The following POLE2 variants were observed in gnomAD, a reference collection of about 807,000 sequenced individuals.
POLE2 encodes DNA polymerase epsilon subunit 2.
In POLE2, 56 loss-of-function variants were observed where a neutral mutation model predicts 79.4. That is an observed-to-expected ratio of 0.71 (90% CI 0.57 to 0.88). The LOEUF (loss-of-function observed/expected upper bound fraction) is 0.88, where lower values mean the gene tolerates loss of function less well. Ranked by LOEUF, POLE2 falls within the 40% of genes least tolerant of loss-of-function variation. The probability of loss-of-function intolerance (pLI) is 0.00; values close to 1 mark genes in which losing one functional copy is unlikely to be tolerated. For missense variants in POLE2, 598 were observed against 638.9 expected, an observed-to-expected ratio of 0.94 and a Z score of 0.69; for synonymous variants, 212 against 214.0, an observed-to-expected ratio of 0.99 and a Z score of 0.08.
chr14:49,664,543 T>C (rs1242235913), intron 9 of POLE2, 83 bp downstream of exon 9: 9 of 882,252 alleles, frequency 1.0e-5, no homozygotes, highest in Non-Finnish European at 1.7e-5. Flanking sequence ...TCCCAAATTA[T>C]ATCATGTTAA....
chr14:49,654,808 C>A lies in POLE2; in HGVS notation c.1049G>T (p.Cys350Phe). Residue 350 changes from cysteine (C) to phenylalanine (F), a missense_variant, in exon 13 of 19, where the codon TGT becomes TTT. Physicochemically the swap from Cys to Phe is radical, Grantham distance 205 (BLOSUM62 -2). Coordinates refer to ENST00000216367, the MANE Select transcript of POLE2 (RefSeq NM_002692.4). ...CCTTTGGTGAATATCTGGGTATTCA[C>A]ATATTATATCTGCCAAAGTTTTTAG... is the stretch of plus-strand genomic sequence containing the variant. ...DSLKTLADII[C>F]EYPDIHQSSR... is the part of the protein sequence containing the mutation. The A allele has an allele frequency of 6.7e-7, 1 of 1,482,698 alleles. No homozygotes were observed. Among genetic ancestry groups the A allele is most frequent in the Non-Finnish European group, 8.9e-7 (1 of 1,119,692 alleles). 91.8% of individuals were successfully genotyped at this position (1,482,698 alleles called of 1,614,324 possible).
chr14:49,674,636 A>C (rs1886130802), intron 3 of POLE2, among the ~76,000 whole-genome samples: 1 of 152,200 alleles, frequency 6.6e-6, no homozygotes, highest in East Asian at 1.9e-4. Flanking sequence ...GTGGGATATC[A>C]GCTCACTGCA....
At chr14:49,683,728 T>C in intron 1 of POLE2, 35 bp from the exon 2 acceptor site, 1 of 1,103,702 alleles carries the variant, frequency 9.1e-7, no homozygotes, top group Non-Finnish European at 1.4e-6. Context: ...GGCAGGTCAT[T>C]AGTAATTAAA....
At chr14:49,649,195 G>A (rs1884006547) in intron 17 of POLE2, among the ~76,000 whole-genome samples, 1 of 130,408 alleles carries the variant, frequency 7.7e-6, no homozygotes, top group South Asian at 2.3e-4. Context: ...TGCCCAGGCT[G>A]GAGTGCAGTG....
At chr14:49,682,640 G>GGAAAAAAAA (rs1373991966) in intron 2 of POLE2, among the ~76,000 whole-genome samples, 2 of 60,976 alleles carry the variant, frequency 3.3e-5, no homozygotes, top group African/African-American at 1.1e-4. Context: ...CCTTCTCAGG[G>GGAAAAAAAA]AAAAAAAAAA....
intron 3 of POLE2, among the ~76,000 whole-genome samples, chr14:49,679,269 A>C (rs1886528477): frequency 2.0e-5 from 3 of 152,170 alleles, no homozygotes; most frequent in Admixed American, 2.0e-4. Context: ...CTGCCATATA[A>C]ATTCTTAAAC....
At chr14:49,664,360 G>GAA (rs369182497) in intron 9 of POLE2, among the ~76,000 whole-genome samples, 7 of 105,236 alleles carry the variant, frequency 6.7e-5, no homozygotes, top group Admixed American at 9.9e-5. Context: ...AAAAAAAAAA[G>GAA]AAAAAAAAAA....
intron 3 of POLE2, among the ~76,000 whole-genome samples, chr14:49,675,520 C>T (rs1886211974): frequency 6.6e-6 from 1 of 152,006 alleles, no homozygotes; most frequent in South Asian, 2.1e-4. Context: ...CAACCTCTTC[C>T]TCCCGGCCTC....
Position 49,655,005 on chromosome 14 carries a change from CT to C in POLE2, c.1017del (p.Asp340IlefsTer3). The C allele has an allele frequency of 6.5e-7, 1 of 1,548,440 alleles. No individual in the cohort carries two copies. The highest frequency in any genetic ancestry group is 1.8e-5 in the Admixed American group (1 of 54,428). ...TTCTTATTAAATAGATCGTTAATAC[CT>C]TTCAAAGCTTGAACTTGATTTTTTC... is the stretch of plus-strand genomic sequence containing the variant. ...PYGKNQVQALKDSLKTLADII... is the reference protein window; with the variant it reads ...PYGKNQVQALXDSLKTLADII... On this transcript the variant is annotated frameshift_variant and splice_region_variant, in exon 12 of 19. Coordinates refer to ENST00000216367, the MANE Select transcript of POLE2 (RefSeq NM_002692.4). LOFTEE classifies it high-confidence loss of function.
intron 10 of POLE2, among the ~76,000 whole-genome samples, chr14:49,661,339 T>C (rs1370978682): frequency 1.3e-5 from 2 of 152,176 alleles, no homozygotes; most frequent in Non-Finnish European, 2.9e-5. Flanking sequence ...GTAACTGATA[T>C]TGTTATTGTT....
intron 5 of POLE2, among the ~76,000 whole-genome samples, chr14:49,670,317 CAAAAAAAAAAAAA>C (rs61383006): frequency 1.7e-4 from 10 of 59,114 alleles, no homozygotes; most frequent in African/African-American, 2.7e-4. Flanking sequence ...ACTGTGTCTC[CAAAAAAAAAAAAA>C]AAAAAAAAAA....
At chr14:49,675,211 A>G (rs1169528868) in intron 3 of POLE2, among the ~76,000 whole-genome samples, 1 of 151,738 alleles carries the variant, frequency 6.6e-6, no homozygotes, top group Non-Finnish European at 1.5e-5. Flanking sequence ...CAGCCTCCCG[A>G]GTAGGTGGGA....
intron 17 of POLE2, 87 bp from the exon 18 acceptor site, chr14:49,647,447 TTTTTA>T (rs1464000531): frequency 6.4e-6 from 3 of 467,030 alleles, no homozygotes; most frequent in South Asian, 6.9e-5. Flanking sequence ...TATTTTTTAT[TTTTTA>T]TTTTATTTAT....
In POLE2 at chr14:49,674,136, G is replaced by T; in HGVS notation, c.404C>A (p.Thr135Asn). The T allele has an allele frequency of 1.9e-6, 3 of 1,608,286 alleles. No homozygotes were observed. The South Asian group carries it at 3.3e-5, about 18-fold the overall frequency. The change falls in exon 5 of 19, where the codon ACC (threonine) becomes AAC (asparagine). Residue 135 changes from threonine to asparagine, a missense_variant. Thr to Asn is a moderately conservative substitution (Grantham distance 65, BLOSUM62 0). Coordinates refer to ENST00000216367, the MANE Select transcript of POLE2 (RefSeq NM_002692.4). ...TACCAAACTTACCTGGTGCAAAATG[G>T]TATATCGCTCACGAAACATCTCTGC... ...DKAEMFRERY[T>N]ILHQRTHRHE...
At chr14:49,645,887 C>T (rs1883724163) in intron 18 of POLE2, among the ~76,000 whole-genome samples, 1 of 152,176 alleles carries the variant, frequency 6.6e-6, no homozygotes, top group African/African-American at 2.4e-5. Flanking sequence ...CTGCCTTGGC[C>T]TCCCAAAGTG....
chr14:49,682,880 T>TA (rs2139693505), intron 2 of POLE2, among the ~76,000 whole-genome samples: 1 of 152,036 alleles, frequency 6.6e-6, no homozygotes, highest in East Asian at 1.9e-4. Flanking sequence ...CTGTTTACTT[T>TA]ACTCTTCTTT....
rs1335836502 is a variant in POLE2, at chr14:49,655,803, T to C, written c.796A>G (p.Asn266Asp). 3 of 1,583,354 alleles carry C rather than the reference T, an allele frequency of 1.9e-6. No homozygotes were observed. Among genetic ancestry groups the C allele is most frequent in the Non-Finnish European group, 2.6e-6 (3 of 1,158,284 alleles). The change falls in exon 11 of 19, where the codon AAT becomes GAT. Residue 266 changes from asparagine to aspartate, a missense_variant. Physicochemically the swap from Asn to Asp is conservative, Grantham distance 23. Coordinates refer to ENST00000216367, the MANE Select transcript of POLE2 (RefSeq NM_002692.4). ...GNINFFGGPS[N>D]TSVKTSAKLK... The stretch of plus-strand genomic sequence containing the variant: ...TTTGCAGAAGTCTTCACAGATGTAT[T>C]AGAAGGACCTCCAAAAAAATTAATA...
In POLE2 at chr14:49,688,139, C is replaced by T; in HGVS notation, c.65G>A (p.Arg22His). 1 of 1,556,426 alleles carries T rather than the reference C, an allele frequency of 6.4e-7. No individual in the cohort carries two copies. Among genetic ancestry groups the T allele is most frequent in the Non-Finnish European group, 8.7e-7 (1 of 1,151,532 alleles). ...SAFKLRGLLL[R>H]GEAIKYLTEA... is the part of the protein sequence containing the mutation. ...CAAGCTGCCCGAGCCCACTCACCCA[C>T]GGAGCAGCAAGCCCCGCAACTTGAA... Residue 22 changes from arginine (R) to histidine (H), a missense_variant, in exon 1 of 19, where the codon CGT becomes CAT. Coordinates refer to ENST00000216367, the MANE Select transcript of POLE2 (RefSeq NM_002692.4).
intron 5 of POLE2, among the ~76,000 whole-genome samples, chr14:49,672,134 T>C (rs140486027): frequency 5.2e-4 from 79 of 152,180 alleles, no homozygotes; most frequent in Non-Finnish European, 9.4e-4. Context: ...ACAGAAACAA[T>C]AATTCCATAT....
Sources: allele counts gnomAD v4.1 joint callset (sites outside exome capture counted in the v4.1 genomes callset), GRCh38; gene constraint gnomAD v4.1.1; transcripts MANE v1.5; gene names NCBI Gene and HGNC (gene_info 2026-07-23, HGNC 2026-07-21).